The following FOXP1 variants were observed in gnomAD, a reference collection of about 807,000 sequenced individuals.
The protein encoded by FOXP1 is forkhead box P1.
FOXP1 carries 15 observed loss-of-function variants against 98.2 expected under a neutral mutation model. That is an observed-to-expected ratio of 0.15 (90% CI 0.10 to 0.24). The LOEUF is 0.24. Ranked by LOEUF, FOXP1 falls within the 10% of genes least tolerant of loss-of-function variation. The probability of loss-of-function intolerance (pLI) is 1.00; values close to 1 mark genes in which losing one functional copy is unlikely to be tolerated. For synonymous variants in FOXP1, 371 were observed against 314.5 expected, an observed-to-expected ratio of 1.18 and a Z score of -1.90; for missense variants, 633 against 848.5, an observed-to-expected ratio of 0.75 and a Z score of 3.15.
chr3:70,957,246 A>G lies in FOXP1; in HGVS notation c.*2001T>C, dbSNP rs1430522100. 3 of 225,560 alleles carry G rather than the reference A, an allele frequency of 1.3e-5. No individual in the cohort carries two copies. In the Admixed American group the frequency reaches 1.7e-4, roughly 13 times the overall value. 14.0% of individuals were successfully genotyped at this position (225,560 alleles called of 1,614,324 possible). On this transcript the variant is annotated 3_prime_UTR_variant, in exon 21 of 21. Coordinates refer to ENST00000649528, the MANE Select transcript of FOXP1 (RefSeq NM_001349338.3). ...GCAGTAGCCCCATAAAATCTCTTTA[A>G]GAGAATGAGTTTTGGTCTCTGTAGA...
At chr3:71,300,973 T>C (rs2073794508) in intron 4 of FOXP1, among the ~76,000 whole-genome samples, 1 of 152,228 alleles carries the variant, frequency 6.6e-6, no homozygotes, top group Non-Finnish European at 1.5e-5. Context: ...AGTGGCACTT[T>C]GGTGTGTACT....
At chr3:70,965,539 C>T (rs568236435) in intron 20 of FOXP1, among the ~76,000 whole-genome samples, 1 of 152,178 alleles carries the variant, frequency 6.6e-6, no homozygotes, top group East Asian at 1.9e-4. Context: ...GTTCAACATG[C>T]CCGAAAGTTG....
chr3:71,558,734 C>G (rs1264803374), intron 2 of FOXP1, among the ~76,000 whole-genome samples: 1 of 151,378 alleles, frequency 6.6e-6, no homozygotes, highest in East Asian at 1.9e-4. Context: ...ACCTCATGAT[C>G]CGCCCGCCTC....
At chr3:71,511,540 T>C (rs2042205487) in intron 2 of FOXP1, among the ~76,000 whole-genome samples, 2 of 152,160 alleles carry the variant, frequency 1.3e-5, no homozygotes, top group Admixed American at 1.3e-4. Flanking sequence ...CATCTCTGTC[T>C]GTGTCATCCA....
chr3:71,494,733 G>C (rs1316152388), intron 2 of FOXP1, among the ~76,000 whole-genome samples: 1 of 152,090 alleles, frequency 6.6e-6, no homozygotes, highest in African/African-American at 2.4e-5. Context: ...ACTAGATCTG[G>C]AGTGGGCCTG....
chr3:71,134,164 G>A (rs79536592), intron 6 of FOXP1, among the ~76,000 whole-genome samples: 2,820 of 152,322 alleles, frequency 0.019, 32 homozygotes, highest in African/African-American at 0.034. Context: ...CTTTGTTGCT[G>A]TGTGGGACTG....
At chr3:71,177,531 C>T (rs532430325) in intron 6 of FOXP1, among the ~76,000 whole-genome samples, 5 of 152,184 alleles carry the variant, frequency 3.3e-5, no homozygotes, top group Non-Finnish European at 7.3e-5. Context: ...GTAAGAGATG[C>T]TTGAGAGCTC....
intron 17 of FOXP1, among the ~76,000 whole-genome samples, chr3:70,975,486 A>G (rs1278580744): frequency 1.3e-5 from 2 of 152,224 alleles, no homozygotes; most frequent in Non-Finnish European, 2.9e-5. Flanking sequence ...TAAAATGCTA[A>G]TTTATCAGGA....
At chr3:71,348,416 A>G (rs915336513) in intron 4 of FOXP1, among the ~76,000 whole-genome samples, 3 of 152,054 alleles carry the variant, frequency 2.0e-5, no homozygotes, top group Non-Finnish European at 4.4e-5. Flanking sequence ...AGAAGCTTGG[A>G]GTGGGAGGCT....
intron 7 of FOXP1, among the ~76,000 whole-genome samples, chr3:71,093,811 A>G (rs1057188484): frequency 6.6e-6 from 1 of 152,010 alleles, no homozygotes; most frequent in Non-Finnish European, 1.5e-5. Flanking sequence ...AATGAATCCT[A>G]TGATTATAAT....
At chr3:71,043,434 C>T (rs2048613789) in intron 10 of FOXP1, among the ~76,000 whole-genome samples, 1 of 152,148 alleles carries the variant, frequency 6.6e-6, no homozygotes, top group African/African-American at 2.4e-5. Context: ...TATTTTCCAA[C>T]ACCTTTCGAA....
At chr3:71,434,252 C>A (rs972282445) in intron 3 of FOXP1, among the ~76,000 whole-genome samples, 2 of 152,112 alleles carry the variant, frequency 1.3e-5, no homozygotes, top group East Asian at 3.9e-4. Context: ...AAAATAATGA[C>A]GTTAGGCACT....
intron 7 of FOXP1, among the ~76,000 whole-genome samples, chr3:71,074,530 C>T (rs1303861913): frequency 6.6e-6 from 1 of 152,106 alleles, no homozygotes; most frequent in African/African-American, 2.4e-5. Flanking sequence ...ACATGGCCAG[C>T]TTAAATTATT....
intron 12 of FOXP1, among the ~76,000 whole-genome samples, chr3:71,003,293 T>C (rs1393693614): frequency 6.6e-6 from 1 of 152,224 alleles, no homozygotes; most frequent in Non-Finnish European, 1.5e-5. Context: ...TGTGTCTCTT[T>C]TGCAGGACAC....
chr3:71,058,624 T>C (rs1000854787), intron 7 of FOXP1, among the ~76,000 whole-genome samples: 32 of 149,918 alleles, frequency 2.1e-4, no homozygotes, highest in Admixed American at 1.9e-3. Context: ...AAAAAAACTA[T>C]GCCAAGTTTT....
chr3:71,406,129 C>T (rs1409063879), intron 3 of FOXP1, among the ~76,000 whole-genome samples: 1 of 152,006 alleles, frequency 6.6e-6, no homozygotes, highest in Non-Finnish European at 1.5e-5. Flanking sequence ...GGTCCTTCCC[C>T]GATGAATTAG....
At chr3:70,978,097 G>T in intron 14 of FOXP1, 68 bp from the exon 15 acceptor site, 1 of 1,335,984 alleles carries the variant, frequency 7.5e-7, no homozygotes, top group Non-Finnish European at 1.1e-6. Flanking sequence ...ACCACATCTA[G>T]CAGGAGTAAC....
At chr3:71,499,687 C>A (rs988320558) in intron 2 of FOXP1, among the ~76,000 whole-genome samples, 3 of 152,204 alleles carry the variant, frequency 2.0e-5, no homozygotes, top group Non-Finnish European at 2.9e-5. Context: ...GAGCTTCAAT[C>A]CTTCTCTAAT....
chr3:71,507,204 GA>G lies in FOXP1; in HGVS notation c.-297-13650del, dbSNP rs2041886997. ...ATTTTACATTAAAGTTTCACAAATA[GA>G]AACAGGTACTCTCATGCACAGCCAG... is the stretch of plus-strand genomic sequence containing the variant. On this transcript the variant is annotated intron_variant, in intron 2 of 20. Transcript: ENST00000649528. 2.0e-5 allele frequency among the ~76,000 whole-genome samples: 3 copies of G among 152,146 alleles called. No individual in the cohort carries two copies. In the South Asian group the frequency reaches 6.2e-4, roughly 31 times the overall value.
Sources: gnomAD v4.1 joint callset for allele counts (sites outside exome capture counted in the v4.1 genomes callset) on GRCh38, gnomAD v4.1.1 for gene constraint, MANE v1.5 for transcripts, NCBI Gene and HGNC (gene_info 2026-07-23, HGNC 2026-07-21) for gene names.